Variants in PDE4D observed in about 807,000 individuals in gnomAD.
PDE4D encodes the protein phosphodiesterase 4D.
In PDE4D, 24 loss-of-function variants were observed where a neutral mutation model predicts 87.4. The ratio of observed to expected loss-of-function variants is 0.27; its 90% CI spans 0.20 to 0.39. The LOEUF is 0.39. Ranked by LOEUF, PDE4D falls within the 10% of genes least tolerant of loss-of-function variation. The pLI, the probability that PDE4D is intolerant of heterozygous loss-of-function variation, is 1.00. For missense variants in PDE4D, 714 were observed against 1,041.0 expected, an observed-to-expected ratio of 0.69 and a Z score of 4.32; for synonymous variants, 384 against 383.2, an observed-to-expected ratio of 1.00 and a Z score of -0.02.
Position 59,215,900 on chromosome 5 carries a change from C to T in PDE4D, c.524G>A (p.Gly175Glu). 6.2e-7 allele frequency: 1 copy of T among 1,613,530 alleles called. No individual in the cohort carries two copies. The highest frequency in any genetic ancestry group is 8.5e-7 in the Non-Finnish European group (1 of 1,179,586). The change falls in exon 2 of 15, where the codon GGG (glycine) becomes GAG (glutamate). Residue 175 changes from glycine (G) to glutamate (E), a missense_variant. Gly to Glu is a moderately conservative substitution (Grantham distance 98). Around this residue, in one of 7 missense-constraint regions of PDE4D, gnomAD observed 268 missense variants for 272.9 expected, o/e 0.98. Transcript: ENST00000340635. The stretch of plus-strand genomic sequence containing the variant: ...GACAAAATTTGCTTGGAGAATTAGC[C>T]CGGATCCTGGGCTGGTCATGGGATC... ...PLDPMTSPGS[G>E]LILQANFVHS...
chr5:60,514,754 C>T (rs1193116818), intron 1 of PDE4D, among the ~76,000 whole-genome samples: 1 of 151,902 alleles, frequency 6.6e-6, no homozygotes, highest in Non-Finnish European at 1.5e-5. Context: ...TATTGAAATG[C>T]TACAAGCTTT....
At chr5:60,268,671 C>T (rs1289618756) in intron 1 of PDE4D, among the ~76,000 whole-genome samples, 1 of 152,204 alleles carries the variant, frequency 6.6e-6, no homozygotes, top group Non-Finnish European at 1.5e-5. Flanking sequence ...TAAATGAGAG[C>T]ATTGTGCTTA....
intron 1 of PDE4D, among the ~76,000 whole-genome samples, chr5:59,836,658 C>CTATAT (rs61603830): frequency 7.9e-4 from 96 of 120,938 alleles, no homozygotes; most frequent in African/African-American, 4.4e-3. Flanking sequence ...ATCTATCTAT[C>CTATAT]ATCTATCTAC....
At chr5:59,979,413 C>T (rs1005309670) in intron 3 of PDE4D, among the ~76,000 whole-genome samples, 2 of 81,082 alleles carry the variant, frequency 2.5e-5, no homozygotes, top group African/African-American at 6.3e-5. Flanking sequence ...AGCTTTCACA[C>T]AGCAAGGGGT....
intron 1 of PDE4D, among the ~76,000 whole-genome samples, chr5:60,380,774 T>C (rs1042440996): frequency 1.3e-5 from 2 of 152,198 alleles, no homozygotes; most frequent in South Asian, 4.1e-4. Context: ...AGGGCAGAGA[T>C]AATAAAAATC....
intron 3 of PDE4D, among the ~76,000 whole-genome samples, chr5:59,956,223 G>A (rs1240246873): frequency 6.6e-6 from 1 of 152,124 alleles, no homozygotes; most frequent in Non-Finnish European, 1.5e-5. Flanking sequence ...GTGGAGTTTT[G>A]TGTGGGCCCA....
Position 60,027,928 on chromosome 5 carries a change from T to C in PDE4D, c.43-39211A>G, listed in dbSNP as rs138968589. Among the ~76,000 whole-genome samples the C allele has an allele frequency of 5.3e-4, 81 of 152,324 alleles. 1 individual carries two copies. Among genetic ancestry groups the C allele is most frequent in the African/African-American group, 1.9e-3 (79 of 41,580 alleles). ...TTCGTGTCCTCTGCTGTTCTGGGTATTGTGAATGAGTTGGAAAATTCTGAG... is the reference window on the plus strand; with the variant it reads ...TTCGTGTCCTCTGCTGTTCTGGGTACTGTGAATGAGTTGGAAAATTCTGAG... On this transcript the variant is annotated intron_variant, in intron 2 of 16. Coordinates refer to the PDE4D transcript ENST00000502484.
intron 2 of PDE4D, among the ~76,000 whole-genome samples, chr5:60,030,152 C>T (rs1332579234): frequency 6.6e-6 from 1 of 152,216 alleles, no homozygotes; most frequent in African/African-American, 2.4e-5. Context: ...CCAAACACTG[C>T]TTAAAGAGTT....
At chr5:60,132,413 A>G (rs976946352) in intron 2 of PDE4D, among the ~76,000 whole-genome samples, 1 of 152,152 alleles carries the variant, frequency 6.6e-6, no homozygotes, top group Admixed American at 6.6e-5. Context: ...AAGAATTTAC[A>G]TGTTGGTTTT....
intron 1 of PDE4D, among the ~76,000 whole-genome samples, chr5:59,610,243 G>A (rs1289922557): frequency 6.6e-6 from 1 of 152,210 alleles, no homozygotes; most frequent in East Asian, 1.9e-4. Flanking sequence ...GAAAGAGGTT[G>A]TGTGAGTTAC....
At chr5:59,101,026 T>C (rs1055172826) in intron 5 of PDE4D, among the ~76,000 whole-genome samples, 3 of 152,208 alleles carry the variant, frequency 2.0e-5, no homozygotes, top group African/African-American at 7.2e-5. Flanking sequence ...TCCAGACCTG[T>C]GTCCTTGCTG....
At chr5:59,524,348 G>T (rs777207014) in intron 1 of PDE4D, among the ~76,000 whole-genome samples, 1 of 152,188 alleles carries the variant, frequency 6.6e-6, no homozygotes, top group Non-Finnish European at 1.5e-5. Flanking sequence ...CTGAGATGGA[G>T]ATGAGGAACT....
At chr5:59,464,544 A>G (rs1230208364) in intron 1 of PDE4D, among the ~76,000 whole-genome samples, 1 of 152,170 alleles carries the variant, frequency 6.6e-6, no homozygotes, top group Non-Finnish European at 1.5e-5. Context: ...TGACCCTGAC[A>G]CATCCCCCTC....
At position 59,909,857 on chromosome 5, in the gene PDE4D, A is replaced by G. The variant is rs79191471; in HGVS notation, c.272+78631T>C. Among the ~76,000 whole-genome samples, 455 of 152,316 alleles carry G rather than the reference A, an allele frequency of 3.0e-3. 3 individuals are homozygous for G. The highest frequency in any genetic ancestry group is 0.01 in the African/African-American group (424 of 41,554). On this transcript the variant is annotated intron_variant, in intron 3 of 16. Transcript: ENST00000502484. Reference sequence around the variant, plus strand: ...CCATTATTCTCAGGATAAAATCCCAATGTCTAAACTTGAAAATAAAGGACC... The same window carrying G: ...CCATTATTCTCAGGATAAAATCCCAGTGTCTAAACTTGAAAATAAAGGACC...
At chr5:59,410,917 G>C (rs1382374021) in intron 1 of PDE4D, among the ~76,000 whole-genome samples, 6 of 152,080 alleles carry the variant, frequency 3.9e-5, no homozygotes, top group Non-Finnish European at 1.5e-5. Flanking sequence ...GGTGCTACTA[G>C]AGAAGTCAGA....
chr5:59,320,348 T>C (rs1197106093), intron 1 of PDE4D, among the ~76,000 whole-genome samples: 1 of 152,008 alleles, frequency 6.6e-6, no homozygotes, highest in Admixed American at 6.6e-5. Context: ...CTATACATAA[T>C]ATCAGGAAGG....
intron 1 of PDE4D, among the ~76,000 whole-genome samples, chr5:59,305,175 G>A (rs572537520): frequency 2.5e-4 from 38 of 152,120 alleles, no homozygotes; most frequent in African/African-American, 9.1e-4. Context: ...TCTAGTTTAT[G>A]TGCATAAAGG....
At chr5:59,401,739 A>C (rs919892043) in intron 1 of PDE4D, among the ~76,000 whole-genome samples, 1 of 152,210 alleles carries the variant, frequency 6.6e-6, no homozygotes, top group Non-Finnish European at 1.5e-5. Context: ...CAGAAAAGGG[A>C]GAGGGAACAG....
At chr5:60,118,099 A>G (rs1024255591) in intron 2 of PDE4D, among the ~76,000 whole-genome samples, 5 of 152,162 alleles carry the variant, frequency 3.3e-5, no homozygotes, top group African/African-American at 1.2e-4. Flanking sequence ...CACTGCATAG[A>G]TTTCAAGTTT....
Sources: gnomAD v4.1 joint callset for allele counts (sites outside exome capture counted in the v4.1 genomes callset) on GRCh38, gnomAD v4.1.1 for gene constraint, gnomAD v4.1.1 regional missense constraint, MANE v1.5 for transcripts, NCBI Gene and HGNC (gene_info 2026-07-23, HGNC 2026-07-21) for gene names.